VTI1A: variants seen among roughly 807,000 people sequenced by gnomAD.
VTI1A encodes vesicle transport through interaction with t-SNAREs homolog 1A.
Under a neutral mutation model 34.9 loss-of-function variants are expected in VTI1A, and 22 were observed. The ratio of observed to expected loss-of-function variants is 0.63; its 90% CI spans 0.45 to 0.90. The LOEUF (loss-of-function observed/expected upper bound fraction) is 0.90, where lower values mean the gene tolerates loss of function less well. VTI1A is among the 40% of genes least tolerant of loss of function. VTI1A has a pLI of 0.00. For synonymous variants in VTI1A, 87 were observed against 97.3 expected, an observed-to-expected ratio of 0.89 and a Z score of 0.62; for missense variants, 268 against 275.6, an observed-to-expected ratio of 0.97 and a Z score of 0.20.
chr10:112,630,802 G>A (rs1846101485), intron 5 of VTI1A, among the ~76,000 whole-genome samples: 3 of 152,088 alleles, frequency 2.0e-5, no homozygotes, highest in Admixed American at 2.0e-4. Context: ...TCAATAACCA[G>A]AAAACAAAAG....
intron 7 of VTI1A, among the ~76,000 whole-genome samples, chr10:112,697,814 A>G (rs1203397258): frequency 6.6e-6 from 1 of 152,092 alleles, no homozygotes; most frequent in Non-Finnish European, 1.5e-5. Context: ...TAACAAGAAG[A>G]TAAAATAGAA....
intron 7 of VTI1A, among the ~76,000 whole-genome samples, chr10:112,769,943 C>T (rs186575687): frequency 1.3e-3 from 198 of 152,234 alleles, no homozygotes; most frequent in African/African-American, 4.7e-3. Context: ...CAGAATCCAC[C>T]CCATGGTTGC....
chr10:112,704,464 C>T (rs1446937714), intron 7 of VTI1A, among the ~76,000 whole-genome samples: 1 of 152,050 alleles, frequency 6.6e-6, no homozygotes, highest in Non-Finnish European at 1.5e-5. Flanking sequence ...TTACTTTTCA[C>T]CAAGACATAG....
chr10:112,694,062 C>T (rs941272748), intron 7 of VTI1A, among the ~76,000 whole-genome samples: 3 of 152,094 alleles, frequency 2.0e-5, no homozygotes, highest in Non-Finnish European at 4.4e-5. Context: ...CAAAAATTAG[C>T]CAGCTTGGTG....
At chr10:112,655,525 C>G (rs192532131) in intron 5 of VTI1A, among the ~76,000 whole-genome samples, 1 of 151,522 alleles carries the variant, frequency 6.6e-6, no homozygotes, top group Admixed American at 6.6e-5. Flanking sequence ...ATGAATTCTG[C>G]CTTGTACTGT....
intron 7 of VTI1A, among the ~76,000 whole-genome samples, chr10:112,772,748 T>G (rs1851848972): frequency 6.6e-6 from 1 of 152,240 alleles, no homozygotes; most frequent in Admixed American, 6.5e-5. Context: ...CTGTCTTCTT[T>G]TGCATATGGA....
At chr10:112,831,288 C>G in the VTI1A span, 42,166 of 152,148 alleles carry the variant, frequency 0.28, 7,008 homozygotes, top group South Asian at 0.51. Context: ...ATCCAAAAGC[C>G]TGAGCACTGT....
At chr10:112,562,067 T>C (rs1018469863) in intron 5 of VTI1A, among the ~76,000 whole-genome samples, 5 of 152,166 alleles carry the variant, frequency 3.3e-5, no homozygotes, top group Non-Finnish European at 7.4e-5. Context: ...TGAACTTTCC[T>C]TCAGAAAAAA....
At chr10:112,589,118 G>C (rs1170078259) in intron 5 of VTI1A, among the ~76,000 whole-genome samples, 2 of 149,544 alleles carry the variant, frequency 1.3e-5, no homozygotes, top group Non-Finnish European at 1.5e-5. Flanking sequence ...CAGGGAACTG[G>C]TTTGCCTTCA....
At chr10:112,762,319 G>C (rs1033279702) in intron 7 of VTI1A, among the ~76,000 whole-genome samples, 1 of 152,164 alleles carries the variant, frequency 6.6e-6, no homozygotes, top group African/African-American at 2.4e-5. Context: ...GTGAAATCAG[G>C]GGTGAAGTTG....
intron 5 of VTI1A, among the ~76,000 whole-genome samples, chr10:112,653,842 C>T (rs11196035): frequency 0.02 from 3,040 of 152,228 alleles, 73 homozygotes; most frequent in East Asian, 0.12. Flanking sequence ...TGTTTCCCCC[C>T]CAAAATAAGT....
chr10:112,621,008 C>G (rs772468642), intron 5 of VTI1A, among the ~76,000 whole-genome samples: 1 of 152,152 alleles, frequency 6.6e-6, no homozygotes, highest in Non-Finnish European at 1.5e-5. Flanking sequence ...TGGATTTTCT[C>G]TGTTCTATAG....
At chr10:112,687,800 T>TTA (rs1848472490) in intron 7 of VTI1A, among the ~76,000 whole-genome samples, 1 of 152,042 alleles carries the variant, frequency 6.6e-6, no homozygotes, top group African/African-American at 2.4e-5. Context: ...TTCATCAGCA[T>TTA]GACTAAAGCT....
intron 5 of VTI1A, among the ~76,000 whole-genome samples, chr10:112,597,473 C>T (rs1039675303): frequency 6.6e-6 from 1 of 152,170 alleles, no homozygotes; most frequent in African/African-American, 2.4e-5. Flanking sequence ...CTGCCTCAGC[C>T]TCCCAAAGAG....
chr10:112,622,990 T>G (rs1845787200), intron 5 of VTI1A, among the ~76,000 whole-genome samples: 1 of 152,216 alleles, frequency 6.6e-6, no homozygotes. Context: ...TGGTATTGTG[T>G]GTATAAACTA....
At position 112,536,432 on chromosome 10, in the gene VTI1A, G is replaced by A. The variant is rs77015985; in HGVS notation, c.343-1814G>A. Among the ~76,000 whole-genome samples, 1,268 of 152,252 alleles carry A rather than the reference G, an allele frequency of 8.3e-3. 15 individuals carry two copies. The highest frequency in any genetic ancestry group is 0.029 in the African/African-American group (1,213 of 41,536). On this transcript the variant is annotated intron_variant, in intron 4 of 7. Coordinates refer to ENST00000393077, the MANE Select transcript of VTI1A (RefSeq NM_145206.4). Reference sequence around the variant, plus strand: ...GGAATAAGAAAGCTATTTTTGACAAGCCTTAGTAAAGTGTTTAATTTTATT... The same window carrying A: ...GGAATAAGAAAGCTATTTTTGACAAACCTTAGTAAAGTGTTTAATTTTATT...
chr10:112,796,221 A>T (rs1229429936), intron 7 of VTI1A, among the ~76,000 whole-genome samples: 1 of 152,156 alleles, frequency 6.6e-6, no homozygotes, highest in East Asian at 1.9e-4. Context: ...CAACACGATG[A>T]AACCCTGTCT....
intron 7 of VTI1A, among the ~76,000 whole-genome samples, chr10:112,711,887 T>G (rs1261098319): frequency 6.6e-6 from 1 of 152,198 alleles, no homozygotes; most frequent in Non-Finnish European, 1.5e-5. Context: ...TGGTTTTCTA[T>G]TTTAATCTTT....
the VTI1A span, among the ~76,000 whole-genome samples, chr10:112,830,849 A>ATATATATATATATATTT: frequency 6.0e-4 from 20 of 33,486 alleles, no homozygotes; most frequent in Admixed American, 9.4e-4. Flanking sequence ...ATATATATAT[A>ATATATATATATATATTT]TTTTTTTTTT....
Sources: allele counts gnomAD v4.1 joint callset (sites outside exome capture counted in the v4.1 genomes callset), GRCh38; gene constraint gnomAD v4.1.1; transcripts MANE v1.5; gene names NCBI Gene and HGNC (gene_info 2026-07-23, HGNC 2026-07-21).